ADCY8: variants seen among roughly 807,000 people sequenced by gnomAD.
ADCY8 encodes the protein adenylate cyclase type 8.
ADCY8 carries 51 observed loss-of-function variants against 119.7 expected under a neutral mutation model. The observed-to-expected ratio is 0.43, with a 90% CI of 0.34 to 0.54. The LOEUF (loss-of-function observed/expected upper bound fraction) is 0.54, where lower values mean the gene tolerates loss of function less well. Ranked by LOEUF, ADCY8 falls within the 20% of genes least tolerant of loss-of-function variation. ADCY8 has a pLI of 0.03. For missense variants in ADCY8, 1,383 were observed against 1,598.8 expected, an observed-to-expected ratio of 0.87 and a Z score of 2.30; for synonymous variants, 665 against 651.0, an observed-to-expected ratio of 1.02 and a Z score of -0.33.
chr8:130,950,088 C>T (rs1236492111), intron 3 of ADCY8, among the ~76,000 whole-genome samples: 1 of 152,154 alleles, frequency 6.6e-6, no homozygotes, highest in Non-Finnish European at 1.5e-5. Context: ...CTGCTAAGTG[C>T]AAAATTGTCC....
At chr8:131,011,996 G>A (rs1823322313) in intron 1 of ADCY8, among the ~76,000 whole-genome samples, 1 of 152,206 alleles carries the variant, frequency 6.6e-6, no homozygotes, top group African/African-American at 2.4e-5. Context: ...CAAGGGGGTA[G>A]AGGCAGGAGT....
chr8:130,954,301 A>T (rs761827006), intron 2 of ADCY8, among the ~76,000 whole-genome samples: 1 of 152,232 alleles, frequency 6.6e-6, no homozygotes. Flanking sequence ...ATCCAAGTGT[A>T]GGGAAGAAAT....
At chr8:130,797,774 G>A (rs1022297779) in intron 15 of ADCY8, among the ~76,000 whole-genome samples, 1 of 152,172 alleles carries the variant, frequency 6.6e-6, no homozygotes, top group Non-Finnish European at 1.5e-5. Flanking sequence ...CCACTGGATG[G>A]TGAAGCCTTG....
At chr8:130,850,240 C>A (rs1285419008) in intron 9 of ADCY8, among the ~76,000 whole-genome samples, 4 of 152,114 alleles carry the variant, frequency 2.6e-5, no homozygotes, top group Non-Finnish European at 5.9e-5. Context: ...TTAAGTTGCT[C>A]AGGTTGGTTC....
intron 9 of ADCY8, among the ~76,000 whole-genome samples, chr8:130,858,759 T>C (rs1395685628): frequency 6.6e-6 from 1 of 152,208 alleles, no homozygotes. Flanking sequence ...TAGTATGAAC[T>C]TGTGGATATT....
chr8:130,843,246 T>C (rs148287105), intron 11 of ADCY8, among the ~76,000 whole-genome samples: 1 of 152,332 alleles, frequency 6.6e-6, no homozygotes, highest in African/African-American at 2.4e-5. Context: ...TCTTTCTCAG[T>C]CTGACTGGTG....
At chr8:130,987,658 C>A (rs1822444003) in intron 2 of ADCY8, among the ~76,000 whole-genome samples, 1 of 152,026 alleles carries the variant, frequency 6.6e-6, no homozygotes, top group East Asian at 1.9e-4. Flanking sequence ...CGCTTAGGTT[C>A]TTACAGCATC....
chr8:130,805,439 A>G (rs959930923), intron 14 of ADCY8, among the ~76,000 whole-genome samples: 1 of 152,260 alleles, frequency 6.6e-6, no homozygotes. Context: ...AGGTTTGTCC[A>G]TCTGATTGGG....
rs1815749603 is a variant in ADCY8, at chr8:130,800,674, CCA to C, written c.2914-104_2914-103del. ...TGTGGGTACACACGTGCACAGTCAC[CCA>C]CAGAGAGACAGAAAATGAGGCTTGG... is the stretch of plus-strand genomic sequence containing the variant. On this transcript the variant is annotated intron_variant, in intron 14 of 17. Coordinates refer to ENST00000286355, the MANE Select transcript of ADCY8 (RefSeq NM_001115.3). The C allele has an allele frequency of 4.7e-6, 6 of 1,277,488 alleles. No individual in the cohort carries two copies. In the South Asian group the frequency reaches 8.2e-5, roughly 18 times the overall value. 79.1% of individuals were successfully genotyped at this position (1,277,488 alleles called of 1,614,324 possible).
intron 1 of ADCY8, among the ~76,000 whole-genome samples, chr8:131,030,719 A>C (rs1255198998): frequency 6.6e-6 from 1 of 152,212 alleles, no homozygotes; most frequent in Non-Finnish European, 1.5e-5. Flanking sequence ...GGCAGTCAAC[A>C]AATATTTGGG....
At position 130,909,735 on chromosome 8, in the gene ADCY8, T is replaced by A. The variant is rs1412734277; in HGVS notation, c.1613A>T (p.Asn538Ile). ...DVWSWDVDIA[N>I]KLESGGIPGR... is the part of the protein sequence containing the mutation. ...AGGGATTCCTCCAGATTCGAGTTTGTTTGCAATATCCACATCCCAAGACCA... is the reference window on the plus strand; with the variant it reads ...AGGGATTCCTCCAGATTCGAGTTTGATTGCAATATCCACATCCCAAGACCA... The change falls in exon 6 of 18, where the codon AAC (asparagine) becomes ATC (isoleucine). Residue 538 changes from asparagine to isoleucine, a missense_variant. Transcript: ENST00000286355. 6.2e-7 allele frequency: 1 copy of A among 1,614,154 alleles called. No homozygotes were observed. The highest frequency in any genetic ancestry group is 2.2e-5 in the East Asian group (1 of 44,878).
In ADCY8 at chr8:130,903,913, A is replaced by G. The variant is rs758815997; in HGVS notation, c.1770T>C (p.Pro590=). 2.2e-5 allele frequency: 36 copies of G among 1,614,034 alleles called. No homozygotes were observed. In the Admixed American group the frequency reaches 6.0e-4, roughly 27 times the overall value. ...HNIETYLIKQ[P]EDSLLSLPED... ...CAGGCAAGGACAGCAGACTGTCCTC[A>G]GGCTGCTTAATTAAGTAAGTTTCGA... Residue 590 remains proline (P), a synonymous_variant, in exon 7 of 18, where the codon CCT becomes CCC. Transcript: ENST00000286355.
intron 11 of ADCY8, among the ~76,000 whole-genome samples, chr8:130,841,531 A>T (rs1415401424): frequency 6.6e-6 from 1 of 152,220 alleles, no homozygotes; most frequent in Admixed American, 6.5e-5. Flanking sequence ...AACCCACTAC[A>T]CACCAAAAAC....
intron 1 of ADCY8, among the ~76,000 whole-genome samples, chr8:131,035,409 G>A (rs894858023): frequency 2.2e-4 from 33 of 152,238 alleles, no homozygotes; most frequent in African/African-American, 7.9e-4. Flanking sequence ...TTTGTTGGGT[G>A]GGAAGTCAAT....
intron 15 of ADCY8, among the ~76,000 whole-genome samples, chr8:130,790,562 A>T (rs1366755099): frequency 9.2e-5 from 14 of 152,176 alleles, no homozygotes; most frequent in Admixed American, 9.2e-4. Flanking sequence ...CTCTGCTGAG[A>T]CTTTAACCTG....
At chr8:130,796,579 C>A (rs1039047220) in intron 15 of ADCY8, among the ~76,000 whole-genome samples, 1 of 152,086 alleles carries the variant, frequency 6.6e-6, no homozygotes, top group African/African-American at 2.4e-5. Flanking sequence ...CAGGCAGAAT[C>A]TAGAGGACCT....
chr8:130,807,435 T>C (rs1219877845), intron 14 of ADCY8, among the ~76,000 whole-genome samples: 1 of 152,190 alleles, frequency 6.6e-6, no homozygotes, highest in African/African-American at 2.4e-5. Flanking sequence ...GGGATAGTAT[T>C]AAGAGGTGAG....
At chr8:130,826,929 G>C (rs1455778182) in intron 12 of ADCY8, among the ~76,000 whole-genome samples, 1 of 151,968 alleles carries the variant, frequency 6.6e-6, no homozygotes, top group Non-Finnish European at 1.5e-5. Context: ...GTGGGGGGTT[G>C]GGGGAGGGAT....
At chr8:131,017,110 C>T (rs1264905003) in intron 1 of ADCY8, among the ~76,000 whole-genome samples, 1 of 151,028 alleles carries the variant, frequency 6.6e-6, no homozygotes, top group African/African-American at 2.4e-5. Context: ...CACTTTGTCA[C>T]TAAGGCTGGA....
Sources: gnomAD v4.1 joint callset for allele counts (sites outside exome capture counted in the v4.1 genomes callset) on GRCh38, gnomAD v4.1.1 for gene constraint, MANE v1.5 for transcripts, NCBI Gene and HGNC (gene_info 2026-07-23, HGNC 2026-07-21) for gene names.